Variants in SPMIP8 observed in about 807,000 individuals in gnomAD.
SPMIP8 encodes testicular tissue protein Li 196.
At chr16:57,981,111 C>T in the SPMIP8 span, among the ~76,000 whole-genome samples, 2 of 152,018 alleles carry the variant, frequency 1.3e-5, no homozygotes, top group Non-Finnish European at 2.9e-5. Context: ...CCGGGCGTGG[C>T]GGTTCACGCC....
At chr16:57,984,424 G>A in the SPMIP8 span, 2 of 1,578,450 alleles carry the variant, frequency 1.3e-6, no homozygotes, top group Non-Finnish European at 1.7e-6. Flanking sequence ...AAGCACCTCT[G>A]GTCCTGGGAT....
the SPMIP8 span, among the ~76,000 whole-genome samples, chr16:57,981,501 CTTTTTTT>C: frequency 7.2e-5 from 5 of 68,982 alleles, no homozygotes; most frequent in Admixed American, 2.0e-4. Context: ...CTCTCTTTCT[CTTTTTTT>C]TTTTTTTTTT....
chr16:57,976,664 C>T, the SPMIP8 span: 8 of 1,610,186 alleles, frequency 5.0e-6, no homozygotes, highest in Non-Finnish European at 6.8e-6. Context: ...CCCTTGCTCT[C>T]TTCCCCATAT....
the SPMIP8 span, chr16:57,987,084 G>A: frequency 6.1e-6 from 2 of 329,948 alleles, no homozygotes; most frequent in Non-Finnish European, 5.5e-6. Context: ...CTCCCACACG[G>A]GGAAACGTTT....
chr16:57,983,334 A>G, the SPMIP8 span, among the ~76,000 whole-genome samples: 1 of 152,144 alleles, frequency 6.6e-6, no homozygotes, highest in African/African-American at 2.4e-5. Context: ...AGGAATATTA[A>G]TTAATATTAA....
chr16:57,980,913 CTA>C, the SPMIP8 span, among the ~76,000 whole-genome samples: 5 of 152,220 alleles, frequency 3.3e-5, no homozygotes, highest in Non-Finnish European at 7.4e-5. Flanking sequence ...CAGGGTTACA[CTA>C]TGTTGCCAGG....
chr16:57,986,230 AACAG>A, the SPMIP8 span: 1 of 374,838 alleles, frequency 2.7e-6, no homozygotes, highest in Non-Finnish European at 4.8e-6. Flanking sequence ...AAGGAGAGAA[AACAG>A]ACAAATAAGA....
the SPMIP8 span, chr16:57,984,883 G>C: frequency 1.3e-6 from 2 of 1,483,650 alleles, no homozygotes; most frequent in East Asian, 2.4e-5. Flanking sequence ...CGTGGACTGC[G>C]GACGGGAACG....
At chr16:57,977,864 T>C in the SPMIP8 span, 4 of 1,614,076 alleles carry the variant, frequency 2.5e-6, no homozygotes, top group East Asian at 2.2e-5. Context: ...GCTCCACACA[T>C]GTGTATGCCT....
chr16:57,985,348 G>A, the SPMIP8 span: 2 of 1,574,468 alleles, frequency 1.3e-6, no homozygotes, highest in Admixed American at 1.8e-5. Context: ...GGGGGTTGAG[G>A]GGGGAGGAGA....
chr16:57,983,625 A>T, the SPMIP8 span, among the ~76,000 whole-genome samples: 71,562 of 151,474 alleles, frequency 0.47, 19,211 homozygotes, highest in Non-Finnish European at 0.62. Context: ...TTAAAAAAAA[A>T]TTTTTTAAGA....
At chr16:57,985,365 G>C in the SPMIP8 span, 1 of 1,589,980 alleles carries the variant, frequency 6.3e-7, no homozygotes, top group Non-Finnish European at 8.6e-7. Flanking sequence ...GAGACCCAGA[G>C]CAGGGCCTCC....
At chr16:57,987,447 TC>T in the SPMIP8 span, 2 of 1,585,722 alleles carry the variant, frequency 1.3e-6, no homozygotes, top group Non-Finnish European at 8.6e-7. Flanking sequence ...GGAGGCTGAC[TC>T]CCAGGCTGCC....
chr16:57,984,665 C>T, the SPMIP8 span: 303 of 1,593,924 alleles, frequency 1.9e-4, 2 homozygotes, highest in Middle Eastern at 8.3e-4. Context: ...AGAAGCTTCG[C>T]AACAGGTACC....
At chr16:57,981,796 C>T in the SPMIP8 span, among the ~76,000 whole-genome samples, 3 of 152,026 alleles carry the variant, frequency 2.0e-5, no homozygotes, top group African/African-American at 7.2e-5. Context: ...GTAGCCACCG[C>T]ACCTGGCCTT....
the SPMIP8 span, chr16:57,986,074 G>T: frequency 8.6e-7 from 1 of 1,168,782 alleles, no homozygotes; most frequent in Non-Finnish European, 1.2e-6. Flanking sequence ...GGCCCTCCTG[G>T]GAGGGCGCGA....
At chr16:57,986,033 C>T in the SPMIP8 span, 1 of 1,470,480 alleles carries the variant, frequency 6.8e-7, no homozygotes, top group East Asian at 2.5e-5. Context: ...CTGAAACCCC[C>T]CTGCCCCAGC....
At chr16:57,983,248 G>A in the SPMIP8 span, among the ~76,000 whole-genome samples, 1 of 152,004 alleles carries the variant, frequency 6.6e-6, no homozygotes, top group Non-Finnish European at 1.5e-5. Flanking sequence ...TTCCTGAGTA[G>A]CTGAGACTAC....
chr16:57,985,220 G>C, the SPMIP8 span: 24 of 1,545,644 alleles, frequency 1.6e-5, no homozygotes, highest in African/African-American at 9.7e-5. Flanking sequence ...GGGTCTCAGC[G>C]GCTACGCGGT....
Sources: gnomAD v4.1 joint callset for allele counts (sites outside exome capture counted in the v4.1 genomes callset) on GRCh38, gnomAD v4.1.1 for gene constraint, MANE v1.5 for transcripts, NCBI Gene and HGNC (gene_info 2026-07-23, HGNC 2026-07-21) for gene names.